The following HECW2 variants were observed in gnomAD, a reference collection of about 807,000 sequenced individuals.
HECW2 encodes the protein HECT, C2 and WW domain containing E3 ubiquitin protein ligase 2.
In HECW2, 61 loss-of-function variants were observed where a neutral mutation model predicts 175.2. That is an observed-to-expected ratio of 0.35 (90% CI 0.28 to 0.43). The LOEUF (loss-of-function observed/expected upper bound fraction) is 0.43, where lower values mean the gene tolerates loss of function less well. Ranked by LOEUF, HECW2 falls within the 20% of genes least tolerant of loss-of-function variation. The pLI, the probability that HECW2 is intolerant of heterozygous loss-of-function variation, is 1.00. For missense variants in HECW2, 1,524 were observed against 2,000.5 expected, an observed-to-expected ratio of 0.76 and a Z score of 4.54; for synonymous variants, 671 against 731.0, an observed-to-expected ratio of 0.92 and a Z score of 1.32.
At chr2:196,324,176 T>A (rs1219132296) in intron 6 of HECW2, among the ~76,000 whole-genome samples, 1 of 152,202 alleles carries the variant, frequency 6.6e-6, no homozygotes, top group Non-Finnish European at 1.5e-5. Context: ...ATGATCTAAT[T>A]AACTGTGTAA....
intron 11 of HECW2, 79 bp downstream of exon 11, chr2:196,307,856 C>G (rs1691327043): frequency 7.7e-7 from 1 of 1,294,532 alleles, no homozygotes; most frequent in East Asian, 2.5e-5. Flanking sequence ...AAAGAGACAA[C>G]CATGTCTTCT....
chr2:196,578,876 C>T (rs886515663), intron 1 of HECW2, among the ~76,000 whole-genome samples: 1 of 152,064 alleles, frequency 6.6e-6, no homozygotes, highest in Non-Finnish European at 1.5e-5. Flanking sequence ...GAAATAAAAA[C>T]AACACCAAAC....
intron 2 of HECW2, among the ~76,000 whole-genome samples, chr2:196,418,061 T>C (rs1027996955): frequency 6.6e-6 from 1 of 152,214 alleles, no homozygotes; most frequent in Non-Finnish European, 1.5e-5. Context: ...AGTCTAATAG[T>C]ATAGCTTAGT....
At chr2:196,273,049 ATTTTTTTTTTT>A (rs778348590) in intron 16 of HECW2, among the ~76,000 whole-genome samples, 2 of 113,140 alleles carry the variant, frequency 1.8e-5, no homozygotes, top group African/African-American at 7.7e-5. Flanking sequence ...AGCTGGTCTA[ATTTTTTTTTTT>A]TTTTTTTTTT....
intron 21 of HECW2, among the ~76,000 whole-genome samples, chr2:196,234,904 T>A (rs1362137107): frequency 6.6e-6 from 1 of 152,102 alleles, no homozygotes. Context: ...GATAACCAGA[T>A]TAAGTTGTGT....
chr2:196,523,482 A>G (rs988298869), intron 1 of HECW2, among the ~76,000 whole-genome samples: 22 of 149,738 alleles, frequency 1.5e-4, no homozygotes, highest in Non-Finnish European at 2.8e-4. Context: ...TCTCCTGCCT[A>G]ATTGCCCTGG....
intron 2 of HECW2, among the ~76,000 whole-genome samples, chr2:196,364,977 G>A (rs1693705827): frequency 6.6e-6 from 1 of 152,170 alleles, no homozygotes; most frequent in Admixed American, 6.6e-5. Flanking sequence ...GGAAGCTTAA[G>A]AATGAAGGAA....
chr2:196,204,075 A>G (rs1207396688), intron 28 of HECW2, among the ~76,000 whole-genome samples: 1 of 152,190 alleles, frequency 6.6e-6, no homozygotes, highest in East Asian at 1.9e-4. Context: ...CATTGTATGT[A>G]TATACCACAT....
intron 2 of HECW2, among the ~76,000 whole-genome samples, chr2:196,419,494 T>C: frequency 6.6e-6 from 1 of 152,206 alleles, no homozygotes; most frequent in East Asian, 1.9e-4. Flanking sequence ...TGGTAAAGCC[T>C]TTCTATACCC....
rs977064500 is a variant in HECW2 at position 196,198,229 on chromosome 2, C to G, written c.*3048G>C. The G allele has an allele frequency of 6.6e-6, 1 of 152,198 alleles. No homozygotes were observed. Among genetic ancestry groups the G allele is most frequent in the Non-Finnish European group, 1.5e-5 (1 of 68,028 alleles). The allele number at this position is 152,198 out of a possible 1,614,324, so 9.4% of individuals were successfully genotyped here. On this transcript the variant is annotated 3_prime_UTR_variant, in exon 29 of 29. Transcript: ENST00000644978. ...CTCCTTCACAGATCAGCTCCCTACA[C>G]ACTTTACACTCTCGTTGTGTAAGTG...
intron 1 of HECW2, among the ~76,000 whole-genome samples, chr2:196,458,793 G>A (rs1352741158): frequency 6.6e-6 from 1 of 152,178 alleles, no homozygotes; most frequent in Non-Finnish European, 1.5e-5. Flanking sequence ...TTGAACCCAG[G>A]AGGAGGAGGT....
intron 1 of HECW2, among the ~76,000 whole-genome samples, chr2:196,573,306 G>A (rs1275512447): frequency 2.0e-5 from 3 of 150,822 alleles, no homozygotes; most frequent in Non-Finnish European, 4.4e-5. Flanking sequence ...ATCAAAAATA[G>A]GCTTACAACA....
chr2:196,502,574 A>C (rs1687613726), intron 1 of HECW2, among the ~76,000 whole-genome samples: 1 of 152,232 alleles, frequency 6.6e-6, no homozygotes, highest in Non-Finnish European at 1.5e-5. Flanking sequence ...TATGTTATAC[A>C]TATTCGTACT....
chr2:196,266,606 G>A (rs1232708810), intron 17 of HECW2, among the ~76,000 whole-genome samples: 1 of 152,088 alleles, frequency 6.6e-6, no homozygotes, highest in African/African-American at 2.4e-5. Flanking sequence ...TTTTCACCAA[G>A]TACTTCAGTT....
intron 2 of HECW2, among the ~76,000 whole-genome samples, chr2:196,409,407 C>T (rs539798222): frequency 4.6e-5 from 7 of 152,104 alleles, no homozygotes; most frequent in South Asian, 4.2e-4. Context: ...ATTCTCTGTC[C>T]AGGTCATACC....
chr2:196,209,063 G>A (rs1324471290), intron 28 of HECW2, among the ~76,000 whole-genome samples: 1 of 152,176 alleles, frequency 6.6e-6, no homozygotes, highest in Non-Finnish European at 1.5e-5. Flanking sequence ...GCCCAAACTG[G>A]TTTTTGCTCT....
intron 10 of HECW2, among the ~76,000 whole-genome samples, chr2:196,312,888 T>C (rs888208050): frequency 2.6e-5 from 4 of 152,216 alleles, no homozygotes; most frequent in Non-Finnish European, 5.9e-5. Context: ...TAAGTTTAGA[T>C]TAATTATACT....
chr2:196,436,400 C>CAAAAAA (rs35290180), intron 1 of HECW2, among the ~76,000 whole-genome samples: 1 of 82,086 alleles, frequency 1.2e-5, no homozygotes, highest in Non-Finnish European at 2.5e-5. Context: ...GACTCCATCT[C>CAAAAAA]AAAAAAAAAA....
chr2:196,230,610 G>A (rs1054997342), intron 21 of HECW2, among the ~76,000 whole-genome samples: 1 of 152,118 alleles, frequency 6.6e-6, no homozygotes, highest in African/African-American at 2.4e-5. Context: ...CTCCAGGTGA[G>A]GTCTTCTCAG....
Sources: gnomAD v4.1 joint callset for allele counts (sites outside exome capture counted in the v4.1 genomes callset) on GRCh38, gnomAD v4.1.1 for gene constraint, MANE v1.5 for transcripts, NCBI Gene and HGNC (gene_info 2026-07-23, HGNC 2026-07-21) for gene names.